The following TRAPPC10 variants were observed in gnomAD, a reference collection of about 807,000 sequenced individuals.
TRAPPC10 encodes the protein TRAPP 130 kDa subunit.
In TRAPPC10, 23 loss-of-function variants were observed where a neutral mutation model predicts 125.5. The observed-to-expected ratio is 0.18, with a 90% CI of 0.13 to 0.26. TRAPPC10 has a LOEUF of 0.26. Ranked by LOEUF, TRAPPC10 falls within the 10% of genes least tolerant of loss-of-function variation. The pLI, the probability that TRAPPC10 is intolerant of heterozygous loss-of-function variation, is 1.00. For missense variants in TRAPPC10, 1,123 were observed against 1,308.4 expected (o/e 0.86, Z 2.19); for synonymous variants, 509 against 518.0 (o/e 0.98, Z 0.24).
chr21:44,060,821 G>A (rs1056498809), intron 6 of TRAPPC10, among the ~76,000 whole-genome samples: 11 of 151,148 alleles, frequency 7.3e-5, no homozygotes, highest in Admixed American at 3.3e-4. Flanking sequence ...GGCTGGTCTC[G>A]AACTCCTGGC....
At chr21:44,016,689 T>C (rs187738680) in intron 1 of TRAPPC10, among the ~76,000 whole-genome samples, 8 of 152,306 alleles carry the variant, frequency 5.3e-5, no homozygotes, top group Non-Finnish European at 1.2e-4. Context: ...GACGGAGTCT[T>C]GCTTTGTTGC....
intron 2 of TRAPPC10, among the ~76,000 whole-genome samples, chr21:44,033,551 G>GA (rs990852761): frequency 4.6e-5 from 7 of 152,138 alleles, no homozygotes; most frequent in Non-Finnish European, 1.0e-4. Context: ...ATAATTTTGA[G>GA]AAAAAAATTA....
chr21:44,050,143 C>A (rs1392478822), intron 3 of TRAPPC10, among the ~76,000 whole-genome samples: 1 of 152,174 alleles, frequency 6.6e-6, no homozygotes, highest in Non-Finnish European at 1.5e-5. Context: ...TGCTGGTCCT[C>A]TTAAGAGTCA....
intron 7 of TRAPPC10, among the ~76,000 whole-genome samples, chr21:44,064,457 C>G (rs893164877): frequency 6.6e-6 from 1 of 152,064 alleles, no homozygotes; most frequent in African/African-American, 2.4e-5. Context: ...CTGTAGAGAC[C>G]GTATCTAGTC....
intron 7 of TRAPPC10, among the ~76,000 whole-genome samples, chr21:44,070,892 G>A (rs1268078235): frequency 1.3e-5 from 2 of 152,190 alleles, no homozygotes; most frequent in South Asian, 2.1e-4. Context: ...GCCTGGGGGC[G>A]TCTTCGGACC....
At chr21:44,061,303 AT>A (rs1306732874) in intron 6 of TRAPPC10, among the ~76,000 whole-genome samples, 4 of 150,756 alleles carry the variant, frequency 2.7e-5, no homozygotes, top group South Asian at 2.1e-4. Context: ...AGCCCGGCTA[AT>A]TTTTTTTTGT....
In TRAPPC10 at chr21:44,037,848, A is replaced by G. The variant is rs2034102661; in HGVS notation, c.206A>G (p.Lys69Arg). The G allele has an allele frequency of 1.2e-6, 2 of 1,614,176 alleles. No individual in the cohort carries two copies. The highest frequency in any genetic ancestry group is 2.2e-5 in the South Asian group (2 of 91,084). ...CTAGAGTCTAACTTTGTTCAATTCAAAGAGGAGCTGCTGCCCAAAGAAGGA... is the reference window on the plus strand; with the variant it reads ...CTAGAGTCTAACTTTGTTCAATTCAGAGAGGAGCTGCTGCCCAAAGAAGGA... ...IHLESNFVQF[K>R]EELLPKEGNK... Residue 69 changes from lysine (K) to arginine (R), a missense_variant, in exon 3 of 23, where the codon AAA (lysine) becomes AGA (arginine). By Grantham distance (26) the Lys-to-Arg change is conservative. This residue lies in a region of TRAPPC10 where 177 missense variants were observed against 228.9 expected (regional missense o/e 0.77). Transcript: ENST00000291574.
At chr21:44,085,370 G>A (rs1228354670) in intron 15 of TRAPPC10, among the ~76,000 whole-genome samples, 1 of 152,092 alleles carries the variant, frequency 6.6e-6, no homozygotes, top group Non-Finnish European at 1.5e-5. Context: ...TCATAAATAT[G>A]TATATAATTT....
chr21:44,039,093 C>T (rs180684665), intron 3 of TRAPPC10, among the ~76,000 whole-genome samples: 3 of 152,366 alleles, frequency 2.0e-5, no homozygotes, highest in Admixed American at 1.3e-4. Context: ...TCCGGTTCCT[C>T]CCTGGCGTGG....
At chr21:44,070,628 G>GCA (rs2036795075) in intron 7 of TRAPPC10, among the ~76,000 whole-genome samples, 1 of 152,262 alleles carries the variant, frequency 6.6e-6, no homozygotes, top group Non-Finnish European at 1.5e-5. Flanking sequence ...CCATTTAGGA[G>GCA]CAAGGGGCTG....
intron 3 of TRAPPC10, among the ~76,000 whole-genome samples, chr21:44,051,966 C>A (rs1284673306): frequency 6.6e-5 from 10 of 152,210 alleles, no homozygotes; most frequent in Non-Finnish European, 1.5e-4. Context: ...CCTGACTTGC[C>A]TAACAGACAG....
intron 6 of TRAPPC10, among the ~76,000 whole-genome samples, chr21:44,061,915 C>T (rs2036088751): frequency 6.6e-6 from 1 of 152,198 alleles, no homozygotes; most frequent in South Asian, 2.1e-4. Flanking sequence ...CATTTGTTAG[C>T]CTCAGGCAGG....
rs2031400531 is a variant in TRAPPC10, at chr21:44,013,370, TG to T, written c.67+812del. On this transcript the variant is annotated intron_variant, in intron 1 of 22. Transcript: ENST00000291574. ...GGGAAGTATTGAAATGTTTGTTGGT[TG>T]GCTTTTAGGTGACTTGCAGAGAGGT... Among the ~76,000 whole-genome samples the T allele has an allele frequency of 2.0e-5, 3 of 152,374 alleles. No individual in the cohort carries two copies. In the South Asian group the frequency reaches 6.2e-4, roughly 32 times the overall value.
chr21:44,086,101 C>A (rs945570321), intron 15 of TRAPPC10, among the ~76,000 whole-genome samples: 1 of 152,192 alleles, frequency 6.6e-6, no homozygotes, highest in African/African-American at 2.4e-5. Context: ...GAACTCGATT[C>A]CCGCAGGGGA....
intron 7 of TRAPPC10, among the ~76,000 whole-genome samples, chr21:44,066,160 A>C (rs1243090073): frequency 6.6e-6 from 1 of 152,200 alleles, no homozygotes; most frequent in African/African-American, 2.4e-5. Context: ...GGCTTATAAA[A>C]CATGTCCTGC....
At chr21:44,072,616 A>T (rs986257366) in intron 7 of TRAPPC10, among the ~76,000 whole-genome samples, 2 of 152,016 alleles carry the variant, frequency 1.3e-5, no homozygotes, top group Non-Finnish European at 2.9e-5. Context: ...GGTGCATGCC[A>T]CCACACCCGG....
rs202117183 is a variant in TRAPPC10, at chr21:44,092,023, G to A, written c.2971G>A (p.Val991Ile). ...CGGTGATAGTACCGACCTGCAACTA[G>A]TACCACTGAACACGCAGTCCCAGCA... ...DTGDSTDLQLVPLNTQSQQPI... is the reference protein window; with the variant it reads ...DTGDSTDLQLIPLNTQSQQPI... The change falls in exon 19 of 23, where the codon GTA becomes ATA. Residue 991 changes from valine (V) to isoleucine (I), a missense_variant. By Grantham distance (29) the Val-to-Ile change is conservative. This residue lies in a region of TRAPPC10 where 840 missense variants were observed against 902.0 expected (regional missense o/e 0.93). Coordinates refer to ENST00000291574, the MANE Select transcript of TRAPPC10 (RefSeq NM_003274.5). The A allele has an allele frequency of 8.3e-5, 134 of 1,614,044 alleles. No homozygotes were observed. The highest frequency in any genetic ancestry group is 8.6e-5 in the Non-Finnish European group (102 of 1,180,030).
intron 7 of TRAPPC10, among the ~76,000 whole-genome samples, chr21:44,064,370 C>G (rs908879792): frequency 4.6e-5 from 7 of 151,612 alleles, no homozygotes; most frequent in African/African-American, 1.5e-4. Context: ...AAAACATTTG[C>G]CCTTAGAGAT....
In TRAPPC10 at chr21:44,063,308, C is replaced by T; in HGVS notation, c.791-230C>T. The T allele has an allele frequency of 8.5e-7, 1 of 1,169,684 alleles. No individual in the cohort carries two copies. Among genetic ancestry groups the T allele is most frequent in the Non-Finnish European group, 1.1e-6 (1 of 875,814 alleles). The allele number at this position is 1,169,684 out of a possible 1,614,324, so 72.5% of individuals were successfully genotyped here. ...CAACCTGTTCAGCTCCCGCCCATGA[C>T]TTTCTGGGCATGGTAGGGTGGTGTG... On this transcript the variant is annotated intron_variant, in intron 6 of 22. Coordinates refer to ENST00000291574, the MANE Select transcript of TRAPPC10 (RefSeq NM_003274.5). The surrounding 1 kb of genome is among the most constrained non-coding windows in gnomAD (Gnocchi z 4.4).
Sources: gnomAD v4.1 joint callset for allele counts (sites outside exome capture counted in the v4.1 genomes callset) on GRCh38, gnomAD v4.1.1 for gene constraint, gnomAD v4.1.1 regional missense constraint, Gnocchi (gnomAD v3.1) non-coding constraint, MANE v1.5 for transcripts, NCBI Gene and HGNC (gene_info 2026-07-23, HGNC 2026-07-21) for gene names.